The following GALE variants were observed in gnomAD, a reference collection of about 807,000 sequenced individuals.
GALE encodes the protein UDP-galactose-4-epimerase, also known as UDP-glucose 4-epimerase.
In GALE, 32 loss-of-function variants were observed where a neutral mutation model predicts 44.1. That is an observed-to-expected ratio of 0.73 (90% CI 0.55 to 0.97). GALE has a LOEUF of 0.97. Ranked by LOEUF, GALE falls within the 50% of genes least tolerant of loss-of-function variation. GALE has a pLI of 0.00. For missense variants in GALE, 423 were observed against 455.6 expected, an observed-to-expected ratio of 0.93 and a Z score of 0.65; for synonymous variants, 182 against 183.5, an observed-to-expected ratio of 0.99 and a Z score of 0.06.
In GALE at chr1:23,796,340, G is replaced by A; in HGVS notation, c.874-75C>T. ...CTGCTGGCCAGGTCTTTAAGAAGCA[G>A]AAGTGCAGAGCAGCGGCTGGCCCGC... On this transcript the variant is annotated intron_variant, in intron 10 of 11. Coordinates refer to ENST00000617979, the MANE Select transcript of GALE (RefSeq NM_001008216.2). This position sits in a 1 kb window ranked among gnomAD's most constrained non-coding sequence, Gnocchi z 5.2. 8 of 1,499,092 alleles carry A rather than the reference G, an allele frequency of 5.3e-6. No homozygotes were observed. Among genetic ancestry groups the A allele is most frequent in the Non-Finnish European group, 7.4e-6 (8 of 1,075,832 alleles). 92.9% of individuals were successfully genotyped at this position (1,499,092 alleles called of 1,614,324 possible). A position where few individuals can be genotyped will look rare whatever the true frequency, so the allele number is the denominator to read the frequency against.
Position 23,796,062 on chromosome 1 carries a change from C to T in GALE, c.989-55G>A. ...CCCACGGTGGAATGCAGAGCCTCCC[C>T]CACCCCACAGCCCGCCCTGGGTGGG... On this transcript the variant is annotated intron_variant, in intron 11 of 11. Coordinates refer to ENST00000617979, the MANE Select transcript of GALE (RefSeq NM_001008216.2). The surrounding 1 kb of genome is among the most constrained non-coding windows in gnomAD (Gnocchi z 5.2). 1 of 1,607,742 alleles carries T rather than the reference C, an allele frequency of 6.2e-7. No individual in the cohort carries two copies. The highest frequency in any genetic ancestry group is 1.3e-5 in the African/African-American group (1 of 74,914).
At position 23,798,321 on chromosome 1, in the gene GALE, T is replaced by C. The variant is rs1639027462; in HGVS notation, c.238-91A>G. On this transcript the variant is annotated intron_variant, in intron 4 of 11. Transcript: ENST00000617979. This position sits in a 1 kb window ranked among gnomAD's most constrained non-coding sequence, Gnocchi z 4.5. ...CCTGCCTGCACTCACCTTTTTTTTTTTTTTTGACAGTCTCGCTCTGTTGTC... is the reference window on the plus strand; with the variant it reads ...CCTGCCTGCACTCACCTTTTTTTTTCTTTTTGACAGTCTCGCTCTGTTGTC... The C allele has an allele frequency of 1.1e-6, 1 of 944,820 alleles. No homozygotes were observed. Among genetic ancestry groups the C allele is most frequent in the Non-Finnish European group, 1.7e-6 (1 of 590,112 alleles). 58.5% of individuals were successfully genotyped at this position (944,820 alleles called of 1,614,324 possible).
At chr1:23,800,479 G>A (rs1639093360) in intron 1 of GALE, 1 of 152,604 alleles carries the variant, frequency 6.6e-6, no homozygotes, top group African/African-American at 2.4e-5. Context: ...CTGGGTCTCA[G>A]GCTGGGCTTT....
At chr1:23,799,699 C>T (rs1639068338) in intron 1 of GALE, 1 of 155,586 alleles carries the variant, frequency 6.4e-6, no homozygotes, top group Non-Finnish European at 1.4e-5. Flanking sequence ...CAGGGGCAAC[C>T]ACACCGTGGT....
chr1:23,796,647 C>T lies in GALE; in HGVS notation c.795+50G>A. 6.2e-7 allele frequency: 1 copy of T among 1,614,060 alleles called. No homozygotes were observed. Among genetic ancestry groups the T allele is most frequent in the South Asian group, 1.1e-5 (1 of 91,046 alleles). Reference sequence around the variant, plus strand: ...GGACTGACCACGCCTCTGGGCCGCTCTGCCTGGATCTGGTCCCTCCCCTCC... The same window carrying T: ...GGACTGACCACGCCTCTGGGCCGCTTTGCCTGGATCTGGTCCCTCCCCTCC... On this transcript the variant is annotated intron_variant, in intron 9 of 11. Coordinates refer to ENST00000617979, the MANE Select transcript of GALE (RefSeq NM_001008216.2). This position sits in a 1 kb window ranked among gnomAD's most constrained non-coding sequence, Gnocchi z 5.2.
At position 23,796,586 on chromosome 1, in the gene GALE, T is replaced by A. The variant is rs758252537; in HGVS notation, c.796A>T (p.Ile266Phe). The A allele has an allele frequency of 6.2e-7, 1 of 1,614,094 alleles. No homozygotes were observed. The highest frequency in any genetic ancestry group is 1.3e-5 in the African/African-American group (1 of 75,006). The change falls in exon 10 of 12, where the codon ATC becomes TTC. Residue 266 changes from isoleucine to phenylalanine, a missense_variant and splice_region_variant. Ile to Phe is a conservative substitution (Grantham distance 21, BLOSUM62 0). Coordinates refer to ENST00000617979, the MANE Select transcript of GALE (RefSeq NM_001008216.2). The surrounding 1 kb of genome is among the most constrained non-coding windows in gnomAD (Gnocchi z 5.2). ...CCTGTGCCCGTGCCCAGGTTGTAGA[T>A]CTGGCCCACGGAGAACAGGGTTTAT... is the stretch of plus-strand genomic sequence containing the variant. Reference protein sequence around the residue: ...RKLKEQCGCRIYNLGTGTGYS... With the variant: ...RKLKEQCGCRFYNLGTGTGYS...
rs1303472310 is a variant in GALE at position 23,798,004 on chromosome 1, A to G, written c.351+113T>C. The G allele has an allele frequency of 7.6e-7, 1 of 1,322,262 alleles. No homozygotes were observed. The highest frequency in any genetic ancestry group is 1.1e-6 in the Non-Finnish European group (1 of 915,238). The allele number at this position is 1,322,262 out of a possible 1,614,324, so 81.9% of individuals were successfully genotyped here. A position where few individuals can be genotyped will look rare whatever the true frequency, so the allele number is the denominator to read the frequency against. ...GATGGGGAAACTGAGACTGGGAGGT[A>G]AAGACATGAGTCCAGGATGATACAG... On this transcript the variant is annotated intron_variant, in intron 5 of 11. Transcript: ENST00000617979. The surrounding 1 kb of genome is among the most constrained non-coding windows in gnomAD (Gnocchi z 4.5).
At position 23,796,957 on chromosome 1, in the gene GALE, C is replaced by G. The variant is rs775438386; in HGVS notation, c.643-15G>C. 5 of 1,612,110 alleles carry G rather than the reference C, an allele frequency of 3.1e-6. No individual in the cohort carries two copies. Among genetic ancestry groups the G allele is most frequent in the Admixed American group, 3.3e-5 (2 of 59,724 alleles). ...CCGATCGCCACCTGGAGGTGGAGAT[C>G]AGGTCAGTTCGTCCCAGATCCCAGG... On this transcript the variant is annotated splice_polypyrimidine_tract_variant and intron_variant, in intron 7 of 11. Coordinates refer to ENST00000617979, the MANE Select transcript of GALE (RefSeq NM_001008216.2). The surrounding 1 kb of genome is among the most constrained non-coding windows in gnomAD (Gnocchi z 5.2).
chr1:23,796,342 A>C lies in GALE; in HGVS notation c.874-77T>G, dbSNP rs1035194453. ...GCTGGCCAGGTCTTTAAGAAGCAGA[A>C]GTGCAGAGCAGCGGCTGGCCCGCAG... On this transcript the variant is annotated intron_variant, in intron 10 of 11. Coordinates refer to ENST00000617979, the MANE Select transcript of GALE (RefSeq NM_001008216.2). The surrounding 1 kb of genome is among the most constrained non-coding windows in gnomAD (Gnocchi z 5.2). 4.0e-5 allele frequency: 60 copies of C among 1,487,750 alleles called. 1 individual carries two copies. In the Admixed American group the frequency reaches 9.9e-4, roughly 25 times the overall value. 92.2% of individuals were successfully genotyped at this position (1,487,750 alleles called of 1,614,324 possible).
Position 23,798,141 on chromosome 1 carries a change from C to T in GALE, c.327G>A (p.Leu109=). ...CCTCCAGAAGCTGGATGGTCCCGGT[C>T]AGGTTAACTCTGTAATAATCCAGAG... ...QKPLDYYRVN[L]TGTIQLLEIM... The change falls in exon 5 of 12, where the codon CTG becomes CTA. Residue 109 remains leucine (L), a synonymous_variant. Transcript: ENST00000617979. The surrounding 1 kb of genome is among the most constrained non-coding windows in gnomAD (Gnocchi z 4.5). 1.9e-6 allele frequency: 3 copies of T among 1,614,052 alleles called. No individual in the cohort carries two copies. Among genetic ancestry groups the T allele is most frequent in the African/African-American group, 2.7e-5 (2 of 75,058 alleles).
Position 23,798,145 on chromosome 1 carries a change from T to C in GALE, c.323A>G (p.Asn108Ser). 1 of 1,614,092 alleles carries C rather than the reference T, an allele frequency of 6.2e-7. No homozygotes were observed. Among genetic ancestry groups the C allele is most frequent in the Non-Finnish European group, 8.5e-7 (1 of 1,179,958 alleles). ...CAGAAGCTGGATGGTCCCGGTCAGG[T>C]TAACTCTGTAATAATCCAGAGGCTT... ...VQKPLDYYRV[N>S]LTGTIQLLEI... The change falls in exon 5 of 12, where the codon AAC (asparagine) becomes AGC (serine). Residue 108 changes from asparagine to serine, a missense_variant. By Grantham distance (46) the Asn-to-Ser change is conservative. Transcript: ENST00000617979. The surrounding 1 kb of genome is among the most constrained non-coding windows in gnomAD (Gnocchi z 4.5).
rs377557637 is a variant in GALE at position 23,798,138 on chromosome 1, G to A, written c.330C>T (p.Thr110=). Residue 110 remains threonine, a synonymous_variant, in exon 5 of 12, where the codon ACC becomes ACT. Transcript: ENST00000617979. This position sits in a 1 kb window ranked among gnomAD's most constrained non-coding sequence, Gnocchi z 4.5. ...TCACCTCCAGAAGCTGGATGGTCCC[G>A]GTCAGGTTAACTCTGTAATAATCCA... is the stretch of plus-strand genomic sequence containing the variant. The part of the protein sequence containing the change: ...KPLDYYRVNL[T]GTIQLLEIMK... The A allele has an allele frequency of 1.2e-4, 193 of 1,613,794 alleles. 1 individual carries two copies. The highest frequency in any genetic ancestry group is 8.2e-4 in the Middle Eastern group (5 of 6,084).
intron 1 of GALE, 151 bp downstream of exon 1, chr1:23,800,561 C>G (rs1190792183): frequency 6.6e-6 from 1 of 152,478 alleles, no homozygotes; most frequent in Non-Finnish European, 1.5e-5. Flanking sequence ...GCCGCCCCAG[C>G]CCGGGCAGCG....
rs1638927561 is a variant in GALE at position 23,795,812 on chromosome 1, G to A, written c.*137C>T. 1 of 812,104 alleles carries A rather than the reference G, an allele frequency of 1.2e-6. No homozygotes were observed. Among genetic ancestry groups the A allele is most frequent in the Non-Finnish European group, 2.1e-6 (1 of 478,100 alleles). The allele number at this position is 812,104 out of a possible 1,614,324, so 50.3% of individuals were successfully genotyped here. ...GGAGCCCTTGGCCTCATGCCTGGTG[G>A]GCTAAGCGGGCCCAGCTGGGGTTTG... On this transcript the variant is annotated 3_prime_UTR_variant, in exon 12 of 12. Coordinates refer to ENST00000617979, the MANE Select transcript of GALE (RefSeq NM_001008216.2).
chr1:23,796,048 A>G lies in GALE; in HGVS notation c.989-41T>C. 2 of 1,610,430 alleles carry G rather than the reference A, an allele frequency of 1.2e-6. No individual in the cohort carries two copies. Among genetic ancestry groups the G allele is most frequent in the Non-Finnish European group, 1.7e-6 (2 of 1,177,194 alleles). ...GTGTGTGCTCAGGGCCCACGGTGGA[A>G]TGCAGAGCCTCCCCCACCCCACAGC... On this transcript the variant is annotated intron_variant, in intron 11 of 11. Transcript: ENST00000617979. This position sits in a 1 kb window ranked among gnomAD's most constrained non-coding sequence, Gnocchi z 5.2.
chr1:23,797,637 T>G, intron 6 of GALE, 58 bp downstream of exon 6: 1 of 1,526,658 alleles, frequency 6.6e-7, no homozygotes, highest in South Asian at 1.1e-5. Context: ...GGGCTCAGGG[T>G]GGGCCCTGAG....
Position 23,796,830 on chromosome 1 carries a change from C to G in GALE, c.709+46G>C, listed in dbSNP as rs867473082. The G allele has an allele frequency of 6.2e-7, 1 of 1,608,816 alleles. No homozygotes were observed. Among genetic ancestry groups the G allele is most frequent in the African/African-American group, 1.3e-5 (1 of 74,972 alleles). On this transcript the variant is annotated intron_variant, in intron 8 of 11. Transcript: ENST00000617979. The surrounding 1 kb of genome is among the most constrained non-coding windows in gnomAD (Gnocchi z 5.2). ...GATGGGGAGTCTGTTCCCCCTGACT[C>G]TCCTTCCTGGCTCCCACTCCTAGGT...
rs769226903 is a variant in GALE, at chr1:23,799,008, G to A, written c.-1C>T. On this transcript the variant is annotated 5_prime_UTR_variant, in exon 3 of 12. Transcript: ENST00000617979. ...CTGTTACCAGCACCTTCTCTGCCAT[G>A]GCACCTGGCCCAGGATACAGAGTCT... 3.7e-6 allele frequency: 6 copies of A among 1,614,156 alleles called. No homozygotes were observed. The highest frequency in any genetic ancestry group is 5.1e-6 in the Non-Finnish European group (6 of 1,180,044).
chr1:23,797,622 C>T, intron 6 of GALE, 73 bp downstream of exon 6: 4 of 1,471,830 alleles, frequency 2.7e-6, no homozygotes, highest in Non-Finnish European at 3.8e-6. Context: ...CGGAATCCCA[C>T]CCCTGGGCTC....
Sources: gnomAD v4.1 joint callset for allele counts on GRCh38, gnomAD v4.1.1 for gene constraint, Gnocchi (gnomAD v3.1) non-coding constraint, MANE v1.5 for transcripts, NCBI Gene and HGNC (gene_info 2026-07-23, HGNC 2026-07-21) for gene names.